The following PLCB1 variants were observed in gnomAD, a reference collection of about 807,000 sequenced individuals.
PLCB1 encodes the protein phospholipase C beta 1, also known as 1-phosphatidylinositol 4,5-bisphosphate phosphodiesterase beta-1.
Under a neutral mutation model 161.8 loss-of-function variants are expected in PLCB1, and 46 were observed. The observed-to-expected ratio is 0.28, with a 90% CI of 0.22 to 0.36. PLCB1 has a LOEUF of 0.36. PLCB1 is among the 10% of genes least tolerant of loss of function. The pLI, the probability that PLCB1 is intolerant of heterozygous loss-of-function variation, is 1.00. For synonymous variants in PLCB1, 517 were observed against 503.7 expected, an observed-to-expected ratio of 1.03 and a Z score of -0.35; for missense variants, 1,016 against 1,472.5, an observed-to-expected ratio of 0.69 and a Z score of 5.07.
chr20:8,400,094 G>T (rs1978482020), intron 3 of PLCB1, among the ~76,000 whole-genome samples: 1 of 152,178 alleles, frequency 6.6e-6, no homozygotes, highest in Admixed American at 6.5e-5. Flanking sequence ...CATAATGTCA[G>T]AAGTTTTCTG....
At chr20:8,399,617 A>G (rs1256765450) in intron 3 of PLCB1, among the ~76,000 whole-genome samples, 2 of 152,146 alleles carry the variant, frequency 1.3e-5, no homozygotes, top group East Asian at 1.9e-4. Context: ...ATTACTCTCA[A>G]TACTATTCTC....
At chr20:8,133,321 T>A (rs538333898) in intron 1 of PLCB1, among the ~76,000 whole-genome samples, 10 of 151,954 alleles carry the variant, frequency 6.6e-5, no homozygotes, top group Admixed American at 3.9e-4. Context: ...GGAGTGAGGG[T>A]CCCTGAAAAG....
chr20:8,621,089 C>T (rs1003194962), intron 3 of PLCB1, among the ~76,000 whole-genome samples: 1 of 152,154 alleles, frequency 6.6e-6, no homozygotes, highest in Non-Finnish European at 1.5e-5. Flanking sequence ...TCTGTGCATT[C>T]TATTAACAAA....
intron 31 of PLCB1, among the ~76,000 whole-genome samples, chr20:8,833,893 C>T (rs6108199): frequency 0.048 from 7,280 of 152,114 alleles, 412 homozygotes; most frequent in African/African-American, 0.13. Flanking sequence ...CATGCTCTTG[C>T]CCATCCTTCT....
At chr20:8,457,257 G>T (rs1076761) in intron 3 of PLCB1, among the ~76,000 whole-genome samples, 1 of 152,078 alleles carries the variant, frequency 6.6e-6, no homozygotes, top group Non-Finnish European at 1.5e-5. Flanking sequence ...CATGAGCTTT[G>T]CAGGGGTCAT....
intron 2 of PLCB1, among the ~76,000 whole-genome samples, chr20:8,198,955 C>CAG (rs1568587329): frequency 6.6e-6 from 1 of 151,766 alleles, no homozygotes; most frequent in African/African-American, 2.4e-5. Context: ...CAGACAGACA[C>CAG]ACACACACAC....
intron 25 of PLCB1, among the ~76,000 whole-genome samples, chr20:8,761,471 G>T (rs763601434): frequency 6.6e-6 from 1 of 152,166 alleles, no homozygotes; most frequent in African/African-American, 2.4e-5. Flanking sequence ...TAAAATATGC[G>T]TAGAAAAATT....
At chr20:8,580,296 T>C (rs1199704688) in intron 3 of PLCB1, among the ~76,000 whole-genome samples, 1 of 152,226 alleles carries the variant, frequency 6.6e-6, no homozygotes, top group Admixed American at 6.5e-5. Flanking sequence ...CAATAATATA[T>C]TACTGTTCTT....
chr20:8,279,674 A>T (rs1262147985), intron 2 of PLCB1, among the ~76,000 whole-genome samples: 1 of 152,232 alleles, frequency 6.6e-6, no homozygotes, highest in Non-Finnish European at 1.5e-5. Flanking sequence ...TTATACAGTG[A>T]TGGAAATGAA....
intron 3 of PLCB1, among the ~76,000 whole-genome samples, chr20:8,403,412 G>A (rs890809769): frequency 6.6e-6 from 1 of 152,128 alleles, no homozygotes; most frequent in Admixed American, 6.5e-5. Context: ...ACAACAGGGA[G>A]TGTCCAAAGG....
chr20:8,280,304 C>T (rs1223995294), intron 2 of PLCB1, among the ~76,000 whole-genome samples: 1 of 146,804 alleles, frequency 6.8e-6, no homozygotes, highest in East Asian at 2.0e-4. Flanking sequence ...AATTGCACTC[C>T]AACCTGGGCA....
chr20:8,227,259 T>C (rs1261278883), intron 2 of PLCB1, among the ~76,000 whole-genome samples: 2 of 152,088 alleles, frequency 1.3e-5, no homozygotes, highest in African/African-American at 4.8e-5. Flanking sequence ...TCTAGATAAT[T>C]TTAAGAGAAA....
At chr20:8,275,968 A>G (rs1212244046) in intron 2 of PLCB1, among the ~76,000 whole-genome samples, 1 of 150,774 alleles carries the variant, frequency 6.6e-6, no homozygotes, top group African/African-American at 2.4e-5. Context: ...TTCACACCTC[A>G]CTGACTTTCT....
chr20:8,636,132 G>T (rs1988755533), intron 4 of PLCB1, among the ~76,000 whole-genome samples: 1 of 152,084 alleles, frequency 6.6e-6, no homozygotes, highest in Admixed American at 6.6e-5. Flanking sequence ...ATTTGTTTTG[G>T]GACATAATGG....
At chr20:8,291,161 G>T (rs1379758061) in intron 2 of PLCB1, among the ~76,000 whole-genome samples, 1 of 152,098 alleles carries the variant, frequency 6.6e-6, no homozygotes, top group Non-Finnish European at 1.5e-5. Flanking sequence ...TGCAACATTT[G>T]TGTTTAGCAT....
intron 3 of PLCB1, among the ~76,000 whole-genome samples, chr20:8,616,668 CA>C (rs1988047967): frequency 6.6e-6 from 1 of 152,134 alleles, no homozygotes; most frequent in Non-Finnish European, 1.5e-5. Context: ...GAATAAAGAC[CA>C]TGAGACAGAT....
chr20:8,260,084 GTTTCTTTTTT>G (rs761212383), intron 2 of PLCB1, among the ~76,000 whole-genome samples: 62 of 150,632 alleles, frequency 4.1e-4, no homozygotes, highest in Admixed American at 1.3e-3. Flanking sequence ...TTCATTTCTT[GTTTCTTTTTT>G]TTTCTTTTTT....
intron 2 of PLCB1, among the ~76,000 whole-genome samples, chr20:8,338,274 A>C (rs13044643): frequency 0.16 from 24,999 of 152,176 alleles, 2,612 homozygotes; most frequent in Non-Finnish European, 0.23. Flanking sequence ...TTGCACATTC[A>C]TAAGGAAAGC....
intron 2 of PLCB1, among the ~76,000 whole-genome samples, chr20:8,217,324 G>A (rs1386415034): frequency 2.0e-5 from 3 of 152,084 alleles, no homozygotes; most frequent in Non-Finnish European, 4.4e-5. Flanking sequence ...TGGTAGAGTT[G>A]AAGGCCAAGA....
Sources: gnomAD v4.1 joint callset for allele counts (sites outside exome capture counted in the v4.1 genomes callset) on GRCh38, gnomAD v4.1.1 for gene constraint, MANE v1.5 for transcripts, NCBI Gene and HGNC (gene_info 2026-07-23, HGNC 2026-07-21) for gene names.